SOX6: variants seen among roughly 807,000 people sequenced by gnomAD.
The protein encoded by SOX6 is SRY-box transcription factor 6, also known as transcription factor SOX-6.
SOX6 carries 11 observed loss-of-function variants against 97.8 expected under a neutral mutation model. The observed-to-expected ratio is 0.11, with a 90% CI of 0.07 to 0.19. The LOEUF is 0.19. Ranked by LOEUF, SOX6 falls within the 10% of genes least tolerant of loss-of-function variation. The probability of loss-of-function intolerance (pLI) is 1.00; values close to 1 mark genes in which losing one functional copy is unlikely to be tolerated. For missense variants in SOX6, 810 were observed against 1,039.5 expected, an observed-to-expected ratio of 0.78 and a Z score of 3.04; for synonymous variants, 360 against 371.4, an observed-to-expected ratio of 0.97 and a Z score of 0.35.
At chr11:16,326,877 T>G (rs923868055) in intron 2 of SOX6, among the ~76,000 whole-genome samples, 1 of 152,194 alleles carries the variant, frequency 6.6e-6, no homozygotes, top group South Asian at 2.1e-4. Context: ...TACTCACAGA[T>G]AAGGTACTTG....
At chr11:16,634,844 CG>C (rs1848761122) in intron 3 of SOX6, among the ~76,000 whole-genome samples, 2 of 152,096 alleles carry the variant, frequency 1.3e-5, no homozygotes, top group African/African-American at 2.4e-5. Context: ...AATCGAATCA[CG>C]GGGGCAGTTA....
chr11:16,668,354 C>T (rs1847822860), intron 3 of SOX6, among the ~76,000 whole-genome samples: 1 of 152,042 alleles, frequency 6.6e-6, no homozygotes, highest in Non-Finnish European at 1.5e-5. Context: ...GTCTGGGTGA[C>T]ACAGGGAGAC....
At chr11:16,221,171 G>C (rs1852526778) in intron 4 of SOX6, among the ~76,000 whole-genome samples, 1 of 152,008 alleles carries the variant, frequency 6.6e-6, no homozygotes, top group Non-Finnish European at 1.5e-5. Context: ...GACATTATTT[G>C]CATGTTACAG....
intron 3 of SOX6, among the ~76,000 whole-genome samples, chr11:16,303,311 G>A (rs1855322699): frequency 6.6e-6 from 1 of 152,170 alleles, no homozygotes; most frequent in Non-Finnish European, 1.5e-5. Flanking sequence ...GCATTGTGAA[G>A]ATAGACTAAA....
chr11:16,287,528 A>G (rs1350761363), intron 3 of SOX6, among the ~76,000 whole-genome samples: 2 of 152,074 alleles, frequency 1.3e-5, no homozygotes, highest in Non-Finnish European at 2.9e-5. Flanking sequence ...ACATAGAAGA[A>G]TAGAAAAAAC....
At chr11:16,569,056 T>C (rs1211789051) in intron 4 of SOX6, among the ~76,000 whole-genome samples, 1 of 152,178 alleles carries the variant, frequency 6.6e-6, no homozygotes, top group African/African-American at 2.4e-5. Flanking sequence ...ATCATAGAGG[T>C]TGAAGAGCAT....
intron 6 of SOX6, among the ~76,000 whole-genome samples, chr11:16,172,014 A>G (rs1851052084): frequency 6.6e-6 from 1 of 151,764 alleles, no homozygotes; most frequent in Non-Finnish European, 1.5e-5. Context: ...CCAGTTCTAG[A>G]AAGCATAACT....
chr11:16,167,617 C>T (rs1850921202), intron 6 of SOX6, among the ~76,000 whole-genome samples: 1 of 152,166 alleles, frequency 6.6e-6, no homozygotes, highest in Non-Finnish European at 1.5e-5. Flanking sequence ...GCCATACTGT[C>T]CCTGATGCTC....
intron 1 of SOX6, among the ~76,000 whole-genome samples, chr11:16,426,176 A>T (rs1049848748): frequency 1.4e-5 from 2 of 138,906 alleles, no homozygotes; most frequent in Non-Finnish European, 3.1e-5. Flanking sequence ...TAATGGTGTG[A>T]ACCCGGGAGG....
At chr11:16,580,438 T>TA (rs11439923) in intron 4 of SOX6, among the ~76,000 whole-genome samples, 25,815 of 150,776 alleles carry the variant, frequency 0.17, 2,712 homozygotes, top group East Asian at 0.32. Context: ...TTCAGAAAAT[T>TA]AAAAAAAAAC....
intron 2 of SOX6, among the ~76,000 whole-genome samples, chr11:16,325,534 T>C (rs1055797471): frequency 2.6e-5 from 4 of 152,080 alleles, no homozygotes; most frequent in Non-Finnish European, 5.9e-5. Flanking sequence ...AAAATAGTAA[T>C]TTAAAAGAAT....
chr11:16,337,707 A>T (rs900175565), intron 2 of SOX6, among the ~76,000 whole-genome samples: 2 of 152,156 alleles, frequency 1.3e-5, no homozygotes, highest in Non-Finnish European at 2.9e-5. Context: ...TTAAATTTAT[A>T]ATTCAACAAT....
chr11:15,983,838 T>C (rs1853744193), intron 15 of SOX6, among the ~76,000 whole-genome samples: 1 of 152,162 alleles, frequency 6.6e-6, no homozygotes, highest in Non-Finnish European at 1.5e-5. Context: ...GAGAACAGGA[T>C]ACTTAGTCTC....
At chr11:16,177,686 G>A (rs1037751759) in intron 6 of SOX6, among the ~76,000 whole-genome samples, 10 of 145,668 alleles carry the variant, frequency 6.9e-5, no homozygotes, top group Non-Finnish European at 1.2e-4. Flanking sequence ...GTACATACTA[G>A]AAGAGTATTA....
In SOX6 at chr11:16,613,772, G is replaced by A. The variant is rs1848431545; in HGVS notation, n.430-1512C>T. ...CTAGACTGTTCCGTGGATGAACTGC[G>A]AGGATGCCGGCGGTCAGGCTTGGCC... On this transcript the variant is annotated intron_variant and non_coding_transcript_variant, in intron 3 of 5. Transcript: ENST00000524520. This position sits in a 1 kb window ranked among gnomAD's most constrained non-coding sequence, Gnocchi z 4.6. Among the ~76,000 whole-genome samples, 1 of 152,230 alleles carries A rather than the reference G, an allele frequency of 6.6e-6. No homozygotes were observed. Among genetic ancestry groups the A allele is most frequent in the Non-Finnish European group, 1.5e-5 (1 of 68,044 alleles).
At chr11:16,579,803 T>C (rs1444010014) in intron 4 of SOX6, among the ~76,000 whole-genome samples, 1 of 152,154 alleles carries the variant, frequency 6.6e-6, no homozygotes, top group African/African-American at 2.4e-5. Flanking sequence ...CTCTTGGGTA[T>C]ATACCTGGAA....
chr11:16,430,403 C>T (rs1859250651), intron 1 of SOX6, among the ~76,000 whole-genome samples: 1 of 152,148 alleles, frequency 6.6e-6, no homozygotes, highest in South Asian at 2.1e-4. Flanking sequence ...CTGCAAAAGC[C>T]TCTTTCTATA....
intron 2 of SOX6, among the ~76,000 whole-genome samples, chr11:16,722,910 C>T (rs1447174183): frequency 1.3e-5 from 2 of 152,250 alleles, no homozygotes; most frequent in African/African-American, 4.8e-5. Context: ...TTGTGAAAAG[C>T]AGTATGGCAA....
At chr11:16,078,749 CAAG>C (rs1200443560) in intron 9 of SOX6, among the ~76,000 whole-genome samples, 1 of 151,940 alleles carries the variant, frequency 6.6e-6, no homozygotes, top group Non-Finnish European at 1.5e-5. Flanking sequence ...TCAGAGAGGT[CAAG>C]AAAACTCAGA....
Sources: allele counts gnomAD v4.1 joint callset (sites outside exome capture counted in the v4.1 genomes callset), GRCh38; gene constraint gnomAD v4.1.1; non-coding constraint Gnocchi (gnomAD v3.1); transcripts MANE v1.5; gene names NCBI Gene and HGNC (gene_info 2026-07-23, HGNC 2026-07-21).